Variants in ACVR1 observed in about 807,000 individuals in gnomAD.
The protein encoded by ACVR1 is activin receptor type-1.
ACVR1 carries 38 observed loss-of-function variants against 57.1 expected under a neutral mutation model. The observed-to-expected ratio is 0.67, with a 90% CI of 0.51 to 0.87. The LOEUF (loss-of-function observed/expected upper bound fraction) is 0.87, where lower values mean the gene tolerates loss of function less well. ACVR1 is among the 40% of genes least tolerant of loss of function. ACVR1 has a pLI of 0.00. For missense variants in ACVR1, 463 were observed against 638.2 expected, an observed-to-expected ratio of 0.73 and a Z score of 2.96; for synonymous variants, 212 against 228.1, an observed-to-expected ratio of 0.93 and a Z score of 0.63.
chr2:157,754,745 C>T (rs1559037954), intron 9 of ACVR1, among the ~76,000 whole-genome samples: 1 of 152,064 alleles, frequency 6.6e-6, no homozygotes. Context: ...GGGAATCTTC[C>T]CTAAATCATT....
At chr2:157,874,185 A>G in intron 1 of ACVR1, among the ~76,000 whole-genome samples, 1 of 152,218 alleles carries the variant, frequency 6.6e-6, no homozygotes, top group East Asian at 1.9e-4. Context: ...GTACCTGCAT[A>G]AGGGGTAATA....
chr2:157,868,075 C>G (rs542781793), intron 1 of ACVR1, among the ~76,000 whole-genome samples: 35 of 152,264 alleles, frequency 2.3e-4, no homozygotes, highest in African/African-American at 8.2e-4. Flanking sequence ...AGAGTCAAGT[C>G]ACATCACAAA....
At chr2:157,867,441 C>T (rs562528422) in intron 1 of ACVR1, among the ~76,000 whole-genome samples, 2 of 152,106 alleles carry the variant, frequency 1.3e-5, no homozygotes, top group Admixed American at 6.5e-5. Context: ...AGTGCAAGAA[C>T]AATAAACAGC....
chr2:157,755,459 C>T (rs910165092), intron 9 of ACVR1, among the ~76,000 whole-genome samples: 1 of 152,056 alleles, frequency 6.6e-6, no homozygotes, highest in Non-Finnish European at 1.5e-5. Context: ...TTCTGCTATA[C>T]ACCAACAGCA....
intron 1 of ACVR1, among the ~76,000 whole-genome samples, chr2:157,823,056 G>C (rs1688214201): frequency 6.6e-6 from 1 of 152,196 alleles, no homozygotes; most frequent in South Asian, 2.1e-4. Context: ...ATCAATGGTA[G>C]TAGCAGATTG....
chr2:157,797,244 A>G (rs1227306945), intron 3 of ACVR1, among the ~76,000 whole-genome samples: 2 of 152,234 alleles, frequency 1.3e-5, no homozygotes, highest in East Asian at 1.9e-4. Flanking sequence ...CAGATCAAAT[A>G]TTATGAACCT....
intron 6 of ACVR1, among the ~76,000 whole-genome samples, chr2:157,771,984 G>C (rs187828183): frequency 1.3e-5 from 2 of 152,246 alleles, no homozygotes; most frequent in East Asian, 3.9e-4. Flanking sequence ...GTTCTGTTTT[G>C]TATCTTTATT....
chr2:157,808,134 G>C (rs1258468422), intron 2 of ACVR1, among the ~76,000 whole-genome samples: 1 of 151,976 alleles, frequency 6.6e-6, no homozygotes, highest in Non-Finnish European at 1.5e-5. Context: ...TTAACAACTA[G>C]GTGAGATTTG....
intron 1 of ACVR1, among the ~76,000 whole-genome samples, chr2:157,873,546 G>A (rs1192276939): frequency 6.6e-6 from 1 of 152,182 alleles, no homozygotes. Context: ...AGCAGAACAA[G>A]CCACAGACTA....
intron 1 of ACVR1, among the ~76,000 whole-genome samples, chr2:157,829,168 T>G (rs1431388916): frequency 1.3e-5 from 2 of 152,160 alleles, no homozygotes; most frequent in Non-Finnish European, 2.9e-5. Flanking sequence ...TAACAGTGGG[T>G]CTACCAAGAA....
intron 9 of ACVR1, among the ~76,000 whole-genome samples, chr2:157,740,427 A>G (rs1684708086): frequency 6.6e-6 from 1 of 152,182 alleles, no homozygotes; most frequent in Non-Finnish European, 1.5e-5. Flanking sequence ...AACAGACACC[A>G]TCTAAAATAC....
chr2:157,809,911 C>CA (rs760367994), intron 2 of ACVR1, among the ~76,000 whole-genome samples: 9 of 151,790 alleles, frequency 5.9e-5, no homozygotes, highest in Non-Finnish European at 1.2e-4. Flanking sequence ...CCCATCTCTA[C>CA]AAAAAATAAA....
chr2:157,831,350 T>C (rs780542136), intron 1 of ACVR1, among the ~76,000 whole-genome samples: 14 of 152,304 alleles, frequency 9.2e-5, no homozygotes, highest in African/African-American at 3.1e-4. Context: ...CTTTTACACA[T>C]GAAATTGCTT....
rs536352368 is a variant in ACVR1, at chr2:157,813,788, C to T, written c.-8+4597G>A. On this transcript the variant is annotated intron_variant, in intron 2 of 10. Transcript: ENST00000434821. ...TCTTTGAACCATAGCATATTTCAGT[C>T]CCTTGGTTACAGCAATTCAACCTAA... 2.3e-4 allele frequency among the ~76,000 whole-genome samples: 35 copies of T among 152,286 alleles called. No homozygotes were observed. In the South Asian group the frequency reaches 4.1e-3, roughly 18 times the overall value.
In ACVR1 at chr2:157,839,570, A is replaced by C. The variant is rs535240140; in HGVS notation, c.-182-21011T>G. On this transcript the variant is annotated intron_variant, in intron 1 of 10. Coordinates refer to ENST00000434821, the MANE Select transcript of ACVR1 (RefSeq NM_001111067.4). ...GACAAACAAAACATATGTTGAGAAT[A>C]GCTGTCCAGCGACACTCTTTGATGT... is the stretch of plus-strand genomic sequence containing the variant. Among the ~76,000 whole-genome samples the C allele has an allele frequency of 8.8e-4, 134 of 152,356 alleles. 2 individuals are homozygous for C. In the South Asian group the frequency reaches 0.024, roughly 27 times the overall value.
intron 2 of ACVR1, among the ~76,000 whole-genome samples, chr2:157,800,009 C>A (rs1379754945): frequency 6.6e-6 from 1 of 152,162 alleles, no homozygotes; most frequent in African/African-American, 2.4e-5. Flanking sequence ...AACATACAGA[C>A]CTACAGCAAA....
At chr2:157,868,633 C>T (rs1259600313) in intron 1 of ACVR1, among the ~76,000 whole-genome samples, 1 of 152,166 alleles carries the variant, frequency 6.6e-6, no homozygotes, top group Non-Finnish European at 1.5e-5. Context: ...CTCAAAATAA[C>T]ATCCAATTGG....
Position 157,737,649 on chromosome 2 carries a change from G to A in ACVR1, c.1412C>T (p.Ala471Val). 6.2e-7 allele frequency: 1 copy of A among 1,614,106 alleles called. No homozygotes were observed. Among genetic ancestry groups the A allele is most frequent in the South Asian group, 1.1e-5 (1 of 91,082 alleles). Residue 471 changes from alanine to valine, a missense_variant, in exon 11 of 11, where the codon GCC becomes GTC. By Grantham distance (64) the Ala-to-Val change is moderately conservative (BLOSUM62 0). Transcript: ENST00000434821. The stretch of plus-strand genomic sequence containing the variant: ...ATACCAGCATTCTTTCATTAGCTTG[G>A]CCAGAGAGGTTAATGTCTGAGGAGA... ...WFSDPTLTSL[A>V]KLMKECWYQN... is the part of the protein sequence containing the mutation.
At chr2:157,778,053 G>C in intron 5 of ACVR1, 78 bp downstream of exon 5, 1 of 1,458,594 alleles carries the variant, frequency 6.9e-7, no homozygotes, top group Non-Finnish European at 9.6e-7. Flanking sequence ...TTACTGGTTA[G>C]CGTTTCATGC....
Sources: gnomAD v4.1 joint callset for allele counts (sites outside exome capture counted in the v4.1 genomes callset) on GRCh38, gnomAD v4.1.1 for gene constraint, MANE v1.5 for transcripts, NCBI Gene and HGNC (gene_info 2026-07-23, HGNC 2026-07-21) for gene names.